Variants in DNAAF4 observed in about 807,000 individuals in gnomAD.
DNAAF4 encodes the protein dynein assembly factor 4, axonemal.
In DNAAF4, 43 loss-of-function variants were observed where a neutral mutation model predicts 51.8. That is an observed-to-expected ratio of 0.83 (90% CI 0.65 to 1.07). The LOEUF is 1.07. DNAAF4 is among the 50% of genes least tolerant of loss of function. DNAAF4 has a pLI of 0.00. For missense variants in DNAAF4, 581 were observed against 493.0 expected (o/e 1.18, Z -1.69); for synonymous variants, 194 against 165.6 (o/e 1.17, Z -1.32).
intron 1 of DNAAF4, among the ~76,000 whole-genome samples, chr15:55,502,344 A>T (rs969725240): frequency 4.6e-5 from 7 of 152,156 alleles, no homozygotes; most frequent in Non-Finnish European, 1.0e-4. Context: ...TAAATTTTTA[A>T]AATTTAAATA....
chr15:55,465,812 C>T (rs989033481), intron 5 of DNAAF4, among the ~76,000 whole-genome samples: 2 of 151,990 alleles, frequency 1.3e-5, no homozygotes, highest in African/African-American at 4.8e-5. Flanking sequence ...ATGATCTGCC[C>T]GCCTTGTCCT....
At chr15:55,418,683 ATAAGT>A (rs1424538438) in intron 7 of DNAAF4, 4 of 733,674 alleles carry the variant, frequency 5.5e-6, no homozygotes, top group Non-Finnish European at 8.4e-6. Context: ...AATTTTTAAA[ATAAGT>A]TAAATAAAGT....
intron 7 of DNAAF4, among the ~76,000 whole-genome samples, chr15:55,438,596 A>G (rs1056084036): frequency 2.0e-5 from 3 of 151,980 alleles, no homozygotes; most frequent in African/African-American, 7.2e-5. Flanking sequence ...AGCTTGACCA[A>G]CATGGTGAAA....
intron 4 of DNAAF4, among the ~76,000 whole-genome samples, chr15:55,478,075 T>C (rs937237859): frequency 1.3e-5 from 2 of 152,154 alleles, no homozygotes; most frequent in African/African-American, 2.4e-5. Flanking sequence ...CCTTCCTCAC[T>C]GCCCCTGTCC....
chr15:55,458,907 C>T (rs1241925521), intron 5 of DNAAF4, among the ~76,000 whole-genome samples: 1 of 151,998 alleles, frequency 6.6e-6, no homozygotes, highest in African/African-American at 2.4e-5. Context: ...GAAACACCAT[C>T]TCTACTAAAA....
At chr15:55,453,751 C>T (rs1053777249) in intron 5 of DNAAF4, among the ~76,000 whole-genome samples, 7 of 151,644 alleles carry the variant, frequency 4.6e-5, no homozygotes, top group African/African-American at 1.2e-4. Flanking sequence ...GGGGTTTCAC[C>T]GGGTTAGCCA....
intron 8 of DNAAF4, among the ~76,000 whole-genome samples, chr15:55,433,995 A>ATAT (rs374359829): frequency 2.1e-4 from 7 of 33,302 alleles, no homozygotes; most frequent in Admixed American, 7.5e-4. Flanking sequence ...TAATATATAT[A>ATAT]ATATTATATA....
At chr15:55,485,819 C>T (rs2058479383) in intron 4 of DNAAF4, among the ~76,000 whole-genome samples, 2 of 151,718 alleles carry the variant, frequency 1.3e-5, no homozygotes, top group Non-Finnish European at 2.9e-5. Context: ...ACGGTGAAAC[C>T]CCATCTCTAC....
intron 3 of DNAAF4, among the ~76,000 whole-genome samples, chr15:55,494,676 T>C (rs971295665): frequency 6.6e-6 from 1 of 152,040 alleles, no homozygotes; most frequent in African/African-American, 2.4e-5. Flanking sequence ...CCTCCCAAAG[T>C]GATGGGATTA....
rs1209754897 is a variant in DNAAF4 at position 55,473,198 on chromosome 15, A to AAAAATATATATATATATAT, written c.406-6038_406-6037insATATATATATATATATTTT. Among the ~76,000 whole-genome samples, 13 of 75,744 alleles carry AAAAATATATATATATATAT rather than the reference A, an allele frequency of 1.7e-4. 3 individuals carry two copies. The highest frequency in any genetic ancestry group is 6.4e-4 in the African/African-American group (12 of 18,678). The allele number at this position is 75,744 out of a possible 152,430, so 49.7% of individuals were successfully genotyped here. ...ACAAAAAAAAAACCTAAAAAAAAAA[A>AAAAATATATATATATATAT]ATATATATATATATATATATATATG... On this transcript the variant is annotated intron_variant, in intron 4 of 9. Coordinates refer to ENST00000321149, the MANE Select transcript of DNAAF4 (RefSeq NM_130810.4).
At chr15:55,418,940 A>T (rs141824170) in intron 7 of DNAAF4, among the ~76,000 whole-genome samples, 409 of 1,184 alleles carry the variant, frequency 0.35, 103 homozygotes, top group Non-Finnish European at 0.51. Context: ...TTTTTTTTTG[A>T]GTGAGTTGGA....
chr15:55,437,937 T>C (rs900474495), intron 7 of DNAAF4, among the ~76,000 whole-genome samples: 4 of 152,190 alleles, frequency 2.6e-5, no homozygotes, highest in Non-Finnish European at 4.4e-5. Flanking sequence ...TAGTTTGTTA[T>C]AGAAGTAATA....
intron 1 of DNAAF4, among the ~76,000 whole-genome samples, chr15:55,502,987 C>G (rs2058707502): frequency 6.6e-6 from 1 of 152,008 alleles, no homozygotes; most frequent in Admixed American, 6.6e-5. Flanking sequence ...AATCCAGCAG[C>G]TGGTTTTTTG....
downstream of DNAAF4, among the ~76,000 whole-genome samples, chr15:55,428,565 G>A (rs1314257199): frequency 1.4e-5 from 2 of 137,996 alleles, no homozygotes; most frequent in Non-Finnish European, 3.0e-5. Flanking sequence ...CACAATCTCG[G>A]CTCACTGCAA....
chr15:55,505,809 C>T (rs967758265), intron 1 of DNAAF4, among the ~76,000 whole-genome samples: 18 of 152,112 alleles, frequency 1.2e-4, no homozygotes, highest in African/African-American at 3.9e-4. Flanking sequence ...GGAGAAATAC[C>T]TAATGTAAGT....
At chr15:55,419,266 C>T (rs771622517) in intron 7 of DNAAF4, among the ~76,000 whole-genome samples, 2 of 151,782 alleles carry the variant, frequency 1.3e-5, no homozygotes, top group Non-Finnish European at 2.9e-5. Flanking sequence ...CTTATCTCAC[C>T]CAAGCTGGAA....
At chr15:55,502,422 A>G (rs78141796) in intron 1 of DNAAF4, among the ~76,000 whole-genome samples, 7,689 of 152,304 alleles carry the variant, frequency 0.05, 279 homozygotes, top group East Asian at 0.15. Context: ...AGGTTTTCCT[A>G]TGACTTTTCA....
At chr15:55,470,761 T>G (rs1399086560) in intron 4 of DNAAF4, among the ~76,000 whole-genome samples, 5 of 151,762 alleles carry the variant, frequency 3.3e-5, no homozygotes, top group Admixed American at 2.6e-4. Context: ...CCCAGGCTGG[T>G]CTTGAACTCC....
At chr15:55,470,766 A>T (rs1017829465) in intron 4 of DNAAF4, among the ~76,000 whole-genome samples, 1 of 151,052 alleles carries the variant, frequency 6.6e-6, no homozygotes, top group Admixed American at 6.6e-5. Context: ...GCTGGTCTTG[A>T]ACTCCTGGGC....
Sources: gnomAD v4.1 joint callset for allele counts (sites outside exome capture counted in the v4.1 genomes callset) on GRCh38, gnomAD v4.1.1 for gene constraint, MANE v1.5 for transcripts, NCBI Gene and HGNC (gene_info 2026-07-23, HGNC 2026-07-21) for gene names.